GREB1: variants seen among roughly 807,000 people sequenced by gnomAD.
GREB1 encodes the protein growth regulating estrogen receptor binding 1, also known as protein GREB1.
A neutral mutation model predicts 200.7 loss-of-function variants in GREB1; 106 were observed. The observed-to-expected ratio is 0.53, with a 90% CI of 0.45 to 0.62. The LOEUF (loss-of-function observed/expected upper bound fraction) is 0.62, where lower values mean the gene tolerates loss of function less well. Ranked by LOEUF, GREB1 falls within the 20% of genes least tolerant of loss-of-function variation. The probability of loss-of-function intolerance (pLI) is 0.00; values close to 1 mark genes in which losing one functional copy is unlikely to be tolerated. For synonymous variants in GREB1, 1,132 were observed against 1,092.4 expected, an observed-to-expected ratio of 1.04 and a Z score of -0.72; for missense variants, 2,243 against 2,556.8, an observed-to-expected ratio of 0.88 and a Z score of 2.65.
intron 1 of GREB1, among the ~76,000 whole-genome samples, chr2:11,483,795 C>T (rs1314614397): frequency 8.2e-6 from 1 of 122,230 alleles, no homozygotes; most frequent in Non-Finnish European, 1.7e-5. Flanking sequence ...TGCAGAGGGA[C>T]TCCGGGCCAT....
intron 1 of GREB1, among the ~76,000 whole-genome samples, chr2:11,513,120 A>G (rs1673396253): frequency 6.6e-6 from 1 of 152,216 alleles, no homozygotes; most frequent in Non-Finnish European, 1.5e-5. Flanking sequence ...ATTTGTATTC[A>G]TAACGAAGAC....
At chr2:11,558,500 C>T (rs919848097) in intron 2 of GREB1, among the ~76,000 whole-genome samples, 3 of 152,160 alleles carry the variant, frequency 2.0e-5, no homozygotes, top group Non-Finnish European at 2.9e-5. Flanking sequence ...TCCAGCTCCA[C>T]GTTGGTATGA....
intron 13 of GREB1, 31 bp downstream of exon 13, chr2:11,596,270 G>C: frequency 6.2e-7 from 1 of 1,604,130 alleles, no homozygotes; most frequent in Non-Finnish European, 8.5e-7. Flanking sequence ...TCCCAGGGTG[G>C]AGAGGGTACA....
intron 9 of GREB1, chr2:11,588,203 C>A (rs1333248567): frequency 1.2e-6 from 1 of 805,370 alleles, no homozygotes; most frequent in Non-Finnish European, 1.5e-6. Context: ...CACTCCAGCC[C>A]GGGGACAGAG....
intron 1 of GREB1, among the ~76,000 whole-genome samples, chr2:11,501,159 C>A (rs1673026450): frequency 1.3e-5 from 2 of 152,158 alleles, no homozygotes; most frequent in African/African-American, 4.8e-5. Flanking sequence ...GGCCAGTGAA[C>A]ACATTCAGTT....
At chr2:11,588,611 C>G in intron 9 of GREB1, 135 bp from the exon 10 acceptor site, 1 of 828,390 alleles carries the variant, frequency 1.2e-6, no homozygotes, top group Non-Finnish European at 2.1e-6. Context: ...GCAAGGCTTC[C>G]CAGGACAGGG....
intron 30 of GREB1, among the ~76,000 whole-genome samples, chr2:11,635,729 C>T (rs543645451): frequency 3.4e-4 from 52 of 152,298 alleles, no homozygotes; most frequent in Admixed American, 3.1e-3. Flanking sequence ...TGGGATGGTG[C>T]CTAGTTGCAT....
At chr2:11,495,122 A>G (rs1572548240) in intron 1 of GREB1, among the ~76,000 whole-genome samples, 1 of 152,272 alleles carries the variant, frequency 6.6e-6, no homozygotes, top group South Asian at 2.1e-4. Context: ...TCGTCTGCTT[A>G]TCTCCATGCC....
chr2:11,487,205 C>T (rs761671765), intron 1 of GREB1, among the ~76,000 whole-genome samples: 27 of 152,090 alleles, frequency 1.8e-4, no homozygotes, highest in Admixed American at 1.7e-3. Flanking sequence ...TTTGGTAAAA[C>T]GTCATTGATT....
At chr2:11,487,938 G>A (rs1672692482) in intron 1 of GREB1, among the ~76,000 whole-genome samples, 1 of 152,166 alleles carries the variant, frequency 6.6e-6, no homozygotes, top group Non-Finnish European at 1.5e-5. Flanking sequence ...GGTGACCTGG[G>A]AGTTGGGGAC....
chr2:11,595,683 G>C (rs561851651), intron 12 of GREB1, among the ~76,000 whole-genome samples: 1 of 152,220 alleles, frequency 6.6e-6, no homozygotes, highest in South Asian at 2.1e-4. Context: ...CACCTTTCCA[G>C]CCTTGGTGGC....
intron 1 of GREB1, among the ~76,000 whole-genome samples, chr2:11,537,002 G>A (rs149956538): frequency 0.013 from 1,974 of 151,896 alleles, 50 homozygotes; most frequent in African/African-American, 0.044. Context: ...CACTCTTGTC[G>A]CCCAGGCTGG....
At chr2:11,566,685 C>A in intron 4 of GREB1, 29 bp downstream of exon 4, 1 of 1,586,268 alleles carries the variant, frequency 6.3e-7, no homozygotes, top group Non-Finnish European at 8.6e-7. Context: ...TCCTCTGTGG[C>A]TCCTTCTGCA....
At chr2:11,483,584 C>T (rs1185001544) in intron 1 of GREB1, among the ~76,000 whole-genome samples, 1 of 151,782 alleles carries the variant, frequency 6.6e-6, no homozygotes, top group Non-Finnish European at 1.5e-5. Flanking sequence ...GGTTTAGGGG[C>T]CCCTGCACTT....
At chr2:11,543,900 C>T (rs568341332) in intron 1 of GREB1, among the ~76,000 whole-genome samples, 2 of 152,064 alleles carry the variant, frequency 1.3e-5, no homozygotes, top group South Asian at 2.1e-4. Context: ...GTGAATGGAC[C>T]GGGGAGTGGG....
At chr2:11,532,865 A>G (rs1334352281), upstream of GREB1, among the ~76,000 whole-genome samples, 3 of 152,182 alleles carry the variant, frequency 2.0e-5, no homozygotes, top group South Asian at 2.1e-4. Flanking sequence ...CACCTGCCAT[A>G]TGGCAGACGG....
intron 1 of GREB1, among the ~76,000 whole-genome samples, chr2:11,538,776 CCGT>C (rs1558511329): frequency 1.2e-4 from 3 of 24,386 alleles, no homozygotes; most frequent in African/African-American, 2.6e-4. Context: ...TCCTTCCTTC[CCGT>C]CTTCCTTCCT....
intron 17 of GREB1, 34 bp downstream of exon 17, chr2:11,602,576 T>C (rs1466806642): frequency 3.1e-6 from 5 of 1,594,178 alleles, no homozygotes; most frequent in Non-Finnish European, 4.3e-6. Flanking sequence ...CTAGAAGTGC[T>C]CAGTAGCTTA....
chr2:11,611,259 C>T (rs553454768), intron 18 of GREB1, among the ~76,000 whole-genome samples: 29 of 152,300 alleles, frequency 1.9e-4, no homozygotes, highest in African/African-American at 5.8e-4. Context: ...GGGCAACAGC[C>T]TGCTTTCTTT....
Sources: allele counts gnomAD v4.1 joint callset (sites outside exome capture counted in the v4.1 genomes callset), GRCh38; gene constraint gnomAD v4.1.1; transcripts MANE v1.5; gene names NCBI Gene and HGNC (gene_info 2026-07-23, HGNC 2026-07-21).